Variants in ZNF777 observed in about 807,000 individuals in gnomAD.
ZNF777 encodes zinc finger protein 777.
ZNF777 carries 7 observed loss-of-function variants against 72.1 expected under a neutral mutation model. That is an observed-to-expected ratio of 0.10 (90% CI 0.06 to 0.18). The LOEUF (loss-of-function observed/expected upper bound fraction) is 0.18, where lower values mean the gene tolerates loss of function less well. Among genes scored for constraint, ZNF777 ranks in the 10% least tolerant of loss-of-function variants. ZNF777 has a pLI of 1.00. For synonymous variants in ZNF777, 545 were observed against 483.5 expected, an observed-to-expected ratio of 1.13 and a Z score of -1.67; for missense variants, 828 against 1,128.6, an observed-to-expected ratio of 0.73 and a Z score of 3.82.
intron 4 of ZNF777, among the ~76,000 whole-genome samples, chr7:149,448,485 C>CTATATATATATATATATATATATATA (rs61005836): frequency 1.1e-4 from 11 of 104,622 alleles, no homozygotes; most frequent in Admixed American, 5.9e-4. Context: ...CAAAACAAAA[C>CTATATATATATATATATATATATATA]TATATATATA....
intron 4 of ZNF777, among the ~76,000 whole-genome samples, chr7:149,438,344 A>G (rs1173002916): frequency 2.0e-5 from 3 of 152,222 alleles, no homozygotes; most frequent in Non-Finnish European, 4.4e-5. Flanking sequence ...AATGCTGTAT[A>G]TATTCCATGG....
At chr7:149,435,482 C>T (rs1799394215) in intron 5 of ZNF777, among the ~76,000 whole-genome samples, 1 of 152,036 alleles carries the variant, frequency 6.6e-6, no homozygotes, top group African/African-American at 2.4e-5. Context: ...AGATCCATAT[C>T]TTTTGACCAA....
At chr7:149,459,883 G>C in intron 1 of ZNF777, 1 of 981,174 alleles carries the variant, frequency 1.0e-6, no homozygotes, top group Non-Finnish European at 1.2e-6. Context: ...GGCCGCGTGT[G>C]TGCCGGGCCG....
intron 4 of ZNF777, among the ~76,000 whole-genome samples, chr7:149,440,044 A>T (rs985905347): frequency 1.3e-5 from 2 of 152,202 alleles, no homozygotes; most frequent in African/African-American, 4.8e-5. Flanking sequence ...GGGCTGGAAG[A>T]AGCTTTGTTA....
chr7:149,459,606 G>A lies in ZNF777; in HGVS notation c.-16+1209C>T, dbSNP rs1416099610. On this transcript the variant is annotated intron_variant, in intron 1 of 5. Coordinates refer to ENST00000247930, the MANE Select transcript of ZNF777 (RefSeq NM_015694.3). Reference sequence around the variant, plus strand: ...CACCCCCTCCCCGTCCAGGCCCGCAGCCCTCTGGGCAGGCCTTTCTGGGGC... The same window carrying A: ...CACCCCCTCCCCGTCCAGGCCCGCAACCCTCTGGGCAGGCCTTTCTGGGGC... 3.1e-6 allele frequency: 3 copies of A among 980,690 alleles called. No homozygotes were observed. The African/African-American group carries it at 5.3e-5, about 17-fold the overall frequency. 60.7% of individuals were successfully genotyped at this position (980,690 alleles called of 1,614,324 possible).
chr7:149,455,490 A>C lies in ZNF777; in HGVS notation c.533T>G (p.Leu178Arg). ...ISSAVQKEQP[L>R]PTAEITRLAV... ...CAAGCGGGTGATCTCTGCCGTGGGG[A>C]GCGGCTGTTCCTTCTGGACTGCAGA... Residue 178 changes from leucine (L) to arginine (R), a missense_variant, in exon 2 of 6, where the codon CTC becomes CGC. By Grantham distance (102) the Leu-to-Arg change is moderately radical. Around this residue, in one of 12 missense-constraint regions of ZNF777, gnomAD observed 76 missense variants for 157.3 expected, o/e 0.48. Coordinates refer to ENST00000247930, the MANE Select transcript of ZNF777 (RefSeq NM_015694.3). This position sits in a 1 kb window ranked among gnomAD's most constrained non-coding sequence, Gnocchi z 4.2. The C allele has an allele frequency of 6.2e-6, 10 of 1,613,802 alleles. No individual in the cohort carries two copies. Among genetic ancestry groups the C allele is most frequent in the Non-Finnish European group, 8.5e-6 (10 of 1,179,948 alleles).
intron 4 of ZNF777, among the ~76,000 whole-genome samples, chr7:149,439,788 CTTAAG>C (rs1342021627): frequency 4.6e-5 from 7 of 151,962 alleles, no homozygotes; most frequent in Admixed American, 1.3e-4. Flanking sequence ...TTTTTTCTGG[CTTAAG>C]TTATCCTTAG....
chr7:149,452,047 C>T (rs1434650255), intron 3 of ZNF777, among the ~76,000 whole-genome samples: 3 of 152,012 alleles, frequency 2.0e-5, no homozygotes, highest in Non-Finnish European at 4.4e-5. Flanking sequence ...GGGCGGATCA[C>T]AAGGTCAGGA....
At position 149,431,798 on chromosome 7, in the gene ZNF777, A is replaced by T; in HGVS notation, c.2474T>A (p.Leu825Gln). 1 of 1,598,140 alleles carries T rather than the reference A, an allele frequency of 6.3e-7. No homozygotes were observed. The highest frequency in any genetic ancestry group is 1.1e-5 in the South Asian group (1 of 90,730). ...FRYKQSLKYH[L>Q]RTHTGE The stretch of plus-strand genomic sequence containing the variant: ...CGCTCACTCGCCCGTGTGGGTCCGC[A>T]GGTGGTACTTGAGCGACTGCTTGTA... Residue 825 changes from leucine (L) to glutamine (Q), a missense_variant, in exon 6 of 6, where the codon CTG becomes CAG. Physicochemically the swap from Leu to Gln is moderately radical, Grantham distance 113 (BLOSUM62 -2). Coordinates refer to ENST00000247930, the MANE Select transcript of ZNF777 (RefSeq NM_015694.3).
chr7:149,436,689 C>G lies in ZNF777; in HGVS notation c.1225G>C (p.Glu409Gln). The G allele has an allele frequency of 3.7e-6, 6 of 1,614,146 alleles. No individual in the cohort carries two copies. Among genetic ancestry groups the G allele is most frequent in the Non-Finnish European group, 5.1e-6 (6 of 1,180,028 alleles). The change falls in exon 5 of 6, where the codon GAA becomes CAA. Residue 409 changes from glutamate (E) to glutamine (Q), a missense_variant. By Grantham distance (29) the Glu-to-Gln change is conservative (BLOSUM62 2). Transcript: ENST00000247930. The surrounding 1 kb of genome is among the most constrained non-coding windows in gnomAD (Gnocchi z 5.0). ...TCCTGCATGTCCAGGTCTGGCTGTTCCCCACAGGGGTCACCCAGCTCTGAG... is the reference window on the plus strand; with the variant it reads ...TCCTGCATGTCCAGGTCTGGCTGTTGCCCACAGGGGTCACCCAGCTCTGAG... The part of the protein sequence containing the change: ...QDSELGDPCG[E>Q]QPDLDMQEPE...
chr7:149,452,670 G>T (rs1799747963), intron 3 of ZNF777, among the ~76,000 whole-genome samples: 1 of 150,884 alleles, frequency 6.6e-6, no homozygotes, highest in African/African-American at 2.4e-5. Context: ...AAATAAATAA[G>T]GTATCATTTT....
intron 4 of ZNF777, among the ~76,000 whole-genome samples, chr7:149,441,316 T>C (rs1038928516): frequency 6.6e-6 from 1 of 152,062 alleles, no homozygotes; most frequent in Non-Finnish European, 1.5e-5. Flanking sequence ...GGCTTCCTGA[T>C]TAGAAAGGGA....
intron 1 of ZNF777, chr7:149,459,783 A>T: frequency 1.0e-6 from 1 of 984,500 alleles, no homozygotes; most frequent in Non-Finnish European, 1.2e-6. Flanking sequence ...CGCGGGGCCG[A>T]GCTCTGCGGA....
chr7:149,446,239 G>A (rs1799600218), intron 4 of ZNF777, among the ~76,000 whole-genome samples: 1 of 152,146 alleles, frequency 6.6e-6, no homozygotes, highest in African/African-American at 2.4e-5. Context: ...AGCCAGGTGT[G>A]GTGGCACATG....
chr7:149,459,835 C>T (rs1036177430), intron 1 of ZNF777: 10 of 984,650 alleles, frequency 1.0e-5, no homozygotes, highest in Admixed American at 6.2e-5. Context: ...GCGCGGGCCC[C>T]GCAGGGAGCG....
intron 4 of ZNF777, among the ~76,000 whole-genome samples, chr7:149,446,947 G>A (rs936885182): frequency 2.6e-5 from 4 of 152,000 alleles, no homozygotes; most frequent in Non-Finnish European, 4.4e-5. Context: ...AATACGACAC[G>A]GTTGGGCATA....
At chr7:149,446,739 C>T (rs2140862) in intron 4 of ZNF777, among the ~76,000 whole-genome samples, 15,219 of 152,016 alleles carry the variant, frequency 0.1, 1,303 homozygotes, top group East Asian at 0.44. Flanking sequence ...TCCACTCCCC[C>T]ACAGCTACAC....
At chr7:149,443,052 C>T (rs969279037) in intron 4 of ZNF777, among the ~76,000 whole-genome samples, 2 of 152,130 alleles carry the variant, frequency 1.3e-5, no homozygotes, top group African/African-American at 4.8e-5. Context: ...CCCAGAAAAT[C>T]CATTTCTAAA....
intron 1 of ZNF777, among the ~76,000 whole-genome samples, chr7:149,459,512 G>T (rs998041665): frequency 2.0e-5 from 3 of 151,888 alleles, no homozygotes; most frequent in African/African-American, 7.3e-5. Flanking sequence ...CTCCCCCGCC[G>T]CCCCCGACGG....
Sources: allele counts gnomAD v4.1 joint callset (sites outside exome capture counted in the v4.1 genomes callset), GRCh38; gene constraint gnomAD v4.1.1; regional missense constraint gnomAD v4.1.1; non-coding constraint Gnocchi (gnomAD v3.1); transcripts MANE v1.5; gene names NCBI Gene and HGNC (gene_info 2026-07-23, HGNC 2026-07-21).